The following SYNE1 variants were observed in gnomAD, a reference collection of about 807,000 sequenced individuals.
The protein encoded by SYNE1 is nesprin-1.
SYNE1 carries 616 observed loss-of-function variants against 1,111.0 expected under a neutral mutation model. That is an observed-to-expected ratio of 0.55 (90% confidence interval 0.52 to 0.59). SYNE1 has a LOEUF of 0.59. Ranked by LOEUF, SYNE1 falls within the 20% of genes least tolerant of loss-of-function variation. The pLI, the probability that SYNE1 is intolerant of heterozygous loss-of-function variation, is 0.00. For synonymous variants in SYNE1, 3,855 were observed against 3,825.8 expected (o/e 1.01, Z -0.28); for missense variants, 10,006 against 10,417.0 (o/e 0.96, Z 1.72).
Position 152,219,000 on chromosome 6 carries a change from T to C in SYNE1, c.22044+3A>G, listed in dbSNP as rs761961310. ...CAGAAGATACTAAATAGGAGCTCTG[T>C]ACCTGTAATGAAGTCTGCTGTTTGC... On this transcript the variant is annotated splice_donor_region_variant and intron_variant, in intron 120 of 145. Transcript: ENST00000367255. 6 of 1,613,714 alleles carry C rather than the reference T, an allele frequency of 3.7e-6. No individual in the cohort carries two copies. Among genetic ancestry groups the C allele is most frequent in the South Asian group, 1.1e-5 (1 of 91,084 alleles).
At chr6:152,512,503 A>AT (rs932220506) in intron 6 of SYNE1, among the ~76,000 whole-genome samples, 8 of 152,178 alleles carry the variant, frequency 5.3e-5, no homozygotes, top group African/African-American at 1.7e-4. Flanking sequence ...TACACAAAAA[A>AT]TTTATAATAT....
chr6:152,502,585 C>CTTG (rs1190972666), intron 10 of SYNE1, 48 bp downstream of exon 10: 30 of 1,400,760 alleles, frequency 2.1e-5, no homozygotes, highest in Non-Finnish European at 2.8e-5. Context: ...AAAGCTGAGT[C>CTTG]ACTGTCATTG....
intron 91 of SYNE1, among the ~76,000 whole-genome samples, chr6:152,303,406 A>G (rs1250575573): frequency 6.6e-6 from 1 of 151,848 alleles, no homozygotes; most frequent in East Asian, 1.9e-4. Context: ...CTGTCTCAAA[A>G]AAAAAAAAAA....
intron 78 of SYNE1, 80 bp downstream of exon 78, chr6:152,329,649 TA>T: frequency 6.3e-7 from 1 of 1,587,242 alleles, no homozygotes; most frequent in Non-Finnish European, 8.6e-7. Flanking sequence ...GAAGCAATTA[TA>T]ACCAAGCAAA....
chr6:152,244,793 T>C (rs2086690066), intron 105 of SYNE1, 137 bp from the exon 106 acceptor site: 1 of 1,237,150 alleles, frequency 8.1e-7, no homozygotes, highest in South Asian at 1.2e-5. Flanking sequence ...ATCATTTCAA[T>C]AAAACAAATC....
rs117817221 is a variant in SYNE1 at position 152,618,321 on chromosome 6, C to T, written c.67+9944G>A. On this transcript the variant is annotated intron_variant, in intron 3 of 145. Transcript: ENST00000367255. ...TCAGTGTAATTCTTGGCAAGATGAA[C>T]GCAGTGGCTCATAACTTATAACAAC... Among the ~76,000 whole-genome samples, 96 of 152,182 alleles carry T rather than the reference C, an allele frequency of 6.3e-4. No individual in the cohort carries two copies. In the East Asian group the frequency reaches 0.015, roughly 25 times the overall value.
chr6:152,518,496 C>G (rs551740965), intron 6 of SYNE1, among the ~76,000 whole-genome samples: 1 of 151,952 alleles, frequency 6.6e-6, no homozygotes, highest in Non-Finnish European at 1.5e-5. Context: ...CTTCTCCTTC[C>G]GCCATGATTG....
intron 112 of SYNE1, 32 bp downstream of exon 112, chr6:152,233,749 G>C: frequency 3.1e-6 from 5 of 1,613,322 alleles, no homozygotes; most frequent in Non-Finnish European, 4.2e-6. Flanking sequence ...GCTTAAGTCA[G>C]CTATTTCCCA....
In SYNE1 at chr6:152,281,784, T is replaced by C. The variant is rs370648269; in HGVS notation, c.18381+23A>G. 14 of 1,613,878 alleles carry C rather than the reference T, an allele frequency of 8.7e-6. No homozygotes were observed. The African/African-American group carries it at 1.3e-4, about 15-fold the overall frequency. ...AAATGTGCTTCATGATGTTGACATA[T>C]TCCTTTGAGACCATTTTGGTACCTG... On this transcript the variant is annotated intron_variant, in intron 97 of 145. Coordinates refer to ENST00000367255, the MANE Select transcript of SYNE1 (RefSeq NM_182961.4).
Position 152,364,954 on chromosome 6 carries a change from A to G in SYNE1, c.10038T>C (p.Ser3346=). The G allele has an allele frequency of 6.2e-7, 1 of 1,614,242 alleles. No individual in the cohort carries two copies. The highest frequency in any genetic ancestry group is 1.1e-5 in the South Asian group (1 of 91,090). Residue 3346 remains serine, a synonymous_variant, in exon 63 of 146, where the codon TCT becomes TCC. Transcript: ENST00000367255. ...QMKMIVTRGE[S]VLQNTSPEGI... The stretch of plus-strand genomic sequence containing the variant: ...CTTCTGGAGAAGTATTCTGAAGGAC[A>G]GATTCTCCCCTGGTCACTATCATTT...
chr6:152,244,648 T>C lies in SYNE1; in HGVS notation c.19581A>G (p.Gln6527=), dbSNP rs1055929201. Residue 6527 remains glutamine (Q), a synonymous_variant, in exon 106 of 146, where the codon CAA becomes CAG. Transcript: ENST00000367255. The part of the protein sequence containing the change: ...QPVAEQIEAI[Q]QAEDGLKEFD... The stretch of plus-strand genomic sequence containing the variant: ...ATTCTTTGAGTCCATCTTCAGCCTG[T>C]TGTATTGCCTAAGTAAGATCCATGA... 3.1e-6 allele frequency: 5 copies of C among 1,613,854 alleles called. No individual in the cohort carries two copies. The African/African-American group carries it at 6.7e-5, about 22-fold the overall frequency.
intron 93 of SYNE1, among the ~76,000 whole-genome samples, chr6:152,297,151 C>T (rs1209929266): frequency 6.6e-6 from 1 of 152,116 alleles, no homozygotes; most frequent in Non-Finnish European, 1.5e-5. Context: ...AGTCTCATTT[C>T]CCCCTCTCCT....
chr6:152,287,967 A>G (rs1427047536), intron 95 of SYNE1, among the ~76,000 whole-genome samples: 2 of 152,236 alleles, frequency 1.3e-5, no homozygotes, highest in South Asian at 2.1e-4. Context: ...AGTATTTTTT[A>G]TACATTCAAA....
chr6:152,552,166 G>T (rs781401253), intron 3 of SYNE1, among the ~76,000 whole-genome samples: 1 of 152,116 alleles, frequency 6.6e-6, no homozygotes, highest in Non-Finnish European at 1.5e-5. Context: ...CACAGTGTTC[G>T]TATATTTTAT....
chr6:152,155,428 T>C, intron 132 of SYNE1: 1 of 314,042 alleles, frequency 3.2e-6, no homozygotes, highest in South Asian at 3.1e-5. Flanking sequence ...AAGTCCAACA[T>C]TCAACTCACA....
chr6:152,500,565 G>A lies in SYNE1; in HGVS notation c.889-1773C>T, dbSNP rs1048807065. Among the ~76,000 whole-genome samples, 6 of 152,160 alleles carry A rather than the reference G, an allele frequency of 3.9e-5. No individual in the cohort carries two copies. In the East Asian group the frequency reaches 1.2e-3, roughly 29 times the overall value. On this transcript the variant is annotated intron_variant, in intron 10 of 145. Transcript: ENST00000367255. ...TTGCTTATTCTTTTATGAAGTCACT[G>A]ATTTCTAACTATTGGCGTGATGTCT...
chr6:152,223,554 G>T lies in SYNE1; in HGVS notation c.21522+940C>A, dbSNP rs796120835. On this transcript the variant is annotated intron_variant, in intron 117 of 145. Coordinates refer to ENST00000367255, the MANE Select transcript of SYNE1 (RefSeq NM_182961.4). The stretch of plus-strand genomic sequence containing the variant: ...AATTGCTTAAACCCGGGAGGCGGAG[G>T]TTGCAGTGAGCCGAGATAGCACCAC... Among the ~76,000 whole-genome samples, 12 of 151,974 alleles carry T rather than the reference G, an allele frequency of 7.9e-5. No individual in the cohort carries two copies. The East Asian group carries it at 2.1e-3, about 27-fold the overall frequency.
intron 95 of SYNE1, among the ~76,000 whole-genome samples, chr6:152,290,208 A>C (rs1475544852): frequency 6.6e-6 from 1 of 152,206 alleles, no homozygotes; most frequent in African/African-American, 2.4e-5. Context: ...AGGGCTTAAC[A>C]GTCAGTACAA....
chr6:152,250,419 G>T (rs2088827564), intron 104 of SYNE1, among the ~76,000 whole-genome samples: 2 of 152,142 alleles, frequency 1.3e-5, no homozygotes, highest in African/African-American at 4.8e-5. Flanking sequence ...CAAACATTCT[G>T]ACTGTCTAAT....
Sources: allele counts gnomAD v4.1 joint callset (sites outside exome capture counted in the v4.1 genomes callset), GRCh38; gene constraint gnomAD v4.1.1; transcripts MANE v1.5; gene names NCBI Gene and HGNC (gene_info 2026-07-23, HGNC 2026-07-21).